The following MADCAM1 variants were observed in gnomAD, a reference collection of about 807,000 sequenced individuals.
MADCAM1 encodes mucosal addressin cell adhesion molecule 1.
MADCAM1 carries 19 observed loss-of-function variants against 26.1 expected under a neutral mutation model. The observed-to-expected ratio is 0.73, with a 90% CI of 0.51 to 1.07. MADCAM1 has a LOEUF of 1.07. MADCAM1 is among the 50% of genes least tolerant of loss of function. The pLI, the probability that MADCAM1 is intolerant of heterozygous loss-of-function variation, is 0.00. For missense variants in MADCAM1, 514 were observed against 542.1 expected, an observed-to-expected ratio of 0.95 and a Z score of 0.51; for synonymous variants, 268 against 260.9, an observed-to-expected ratio of 1.03 and a Z score of -0.26.
chr19:498,510 C>G lies in MADCAM1; in HGVS notation c.352C>G (p.Leu118Val). ...QLLVYAFPDQ[L>V]TVSPAALVPG... The stretch of plus-strand genomic sequence containing the variant: ...CTCCATCACAGCCTTCCCGGACCAG[C>G]TGACCGTCTCCCCAGCAGCCCTGGT... The change falls in exon 3 of 5, where the codon CTG becomes GTG. Residue 118 changes from leucine (L) to valine (V), a missense_variant. Leu to Val is a conservative substitution (Grantham distance 32, BLOSUM62 1). This residue lies in a region of MADCAM1 where 317 missense variants were observed against 313.6 expected (regional missense o/e 1.01). Transcript: ENST00000215637. 2 of 1,466,808 alleles carry G rather than the reference C, an allele frequency of 1.4e-6. No homozygotes were observed. Among genetic ancestry groups the G allele is most frequent in the Non-Finnish European group, 1.8e-6 (2 of 1,114,274 alleles). The allele number at this position is 1,466,808 out of a possible 1,614,324, so 90.9% of individuals were successfully genotyped here.
chr19:502,623 G>A (rs62130836), intron 4 of MADCAM1, among the ~76,000 whole-genome samples: 8,007 of 152,206 alleles, frequency 0.053, 301 homozygotes, highest in Admixed American at 0.086. Flanking sequence ...TGTTAGAAAT[G>A]CTTGTCCCCC....
intron 3 of MADCAM1, among the ~76,000 whole-genome samples, chr19:501,252 G>A (rs185183285): frequency 2.1e-4 from 32 of 151,376 alleles, no homozygotes; most frequent in African/African-American, 7.3e-4. Flanking sequence ...TTGGGAGGCC[G>A]AGGTGGGTAG....
At chr19:503,356 CG>C (rs1568318688) in intron 4 of MADCAM1, among the ~76,000 whole-genome samples, 1 of 147,900 alleles carries the variant, frequency 6.8e-6, no homozygotes, top group East Asian at 2.1e-4. Flanking sequence ...CCAAGGCGGG[CG>C]GATCACGAGG....
chr19:502,130 A>G (rs1269766449), intron 4 of MADCAM1, among the ~76,000 whole-genome samples: 10 of 151,572 alleles, frequency 6.6e-5, no homozygotes, highest in Admixed American at 6.6e-4. Flanking sequence ...CGGTTTCCCC[A>G]TCTGCCCAGC....
intron 4 of MADCAM1, 53 bp downstream of exon 4, chr19:501,982 G>T: frequency 7.0e-7 from 1 of 1,427,628 alleles, no homozygotes; most frequent in Non-Finnish European, 9.2e-7. Context: ...AGAGCGAGAG[G>T]TTCCTTGGAT....
At chr19:502,971 G>C (rs543678494) in intron 4 of MADCAM1, among the ~76,000 whole-genome samples, 24 of 152,280 alleles carry the variant, frequency 1.6e-4, no homozygotes, top group African/African-American at 5.8e-4. Context: ...ATAAGGAAGG[G>C]GCATAAGCTA....
rs1978293140 is a variant in MADCAM1, at chr19:497,906, G to C, written c.126G>C (p.Ser42=). 1.5e-6 allele frequency: 2 copies of C among 1,371,814 alleles called. No individual in the cohort carries two copies. Among genetic ancestry groups the C allele is most frequent in the Admixed American group, 3.7e-5 (1 of 27,224 alleles). 85.0% of individuals were successfully genotyped at this position (1,371,814 alleles called of 1,614,324 possible). ...EPVVAVALGA[S]RQLTCRLACA... ...TGGTGGCCGTGGCCTTGGGCGCCTCGCGCCAGCTCACCTGCCGCCTGGCCT... is the reference window on the plus strand; with the variant it reads ...TGGTGGCCGTGGCCTTGGGCGCCTCCCGCCAGCTCACCTGCCGCCTGGCCT... Residue 42 remains serine, a synonymous_variant, in exon 2 of 5, where the codon TCG becomes TCC. Transcript: ENST00000215637.
In MADCAM1 at chr19:496,526, G is replaced by T. The variant is rs1427428013; in HGVS notation, c.27G>T (p.Leu9=). The T allele has an allele frequency of 1.5e-6, 2 of 1,308,418 alleles. No homozygotes were observed. Among genetic ancestry groups the T allele is most frequent in the Non-Finnish European group, 2.0e-6 (2 of 1,021,676 alleles). 81.1% of individuals were successfully genotyped at this position (1,308,418 alleles called of 1,614,324 possible). The change falls in exon 1 of 5, where the codon CTG becomes CTT. Residue 9 remains leucine (L), a synonymous_variant. Coordinates refer to ENST00000215637, the MANE Select transcript of MADCAM1 (RefSeq NM_130760.3). The part of the protein sequence containing the change: MDFGLALL[L]AGLLGLLLGQ... ...TGGATTTCGGACTGGCCCTCCTGCT[G>T]GCGGGGCTTCTGGGGCTCCTCCTCG...
At chr19:502,693 T>C (rs537667341) in intron 4 of MADCAM1, among the ~76,000 whole-genome samples, 2 of 152,330 alleles carry the variant, frequency 1.3e-5, no homozygotes, top group Non-Finnish European at 2.9e-5. Flanking sequence ...CCACTTTTAC[T>C]TTCTGCAGAA....
chr19:499,915 G>A, intron 3 of MADCAM1: 1 of 453,000 alleles, frequency 2.2e-6, no homozygotes, highest in Non-Finnish European at 4.4e-6. Context: ...CATGTTAATG[G>A]ACGTGAGGTC....
Position 505,045 on chromosome 19 carries a change from C to T in MADCAM1, c.*80C>T. On this transcript the variant is annotated 3_prime_UTR_variant, in exon 5 of 5. Coordinates refer to ENST00000215637, the MANE Select transcript of MADCAM1 (RefSeq NM_130760.3). ...GAACTGGTCAGGGCAAACCTGCCTCCCATTCTACTCAAAGTCATCCCTCTG... is the reference window on the plus strand; with the variant it reads ...GAACTGGTCAGGGCAAACCTGCCTCTCATTCTACTCAAAGTCATCCCTCTG... 1 of 1,012,226 alleles carries T rather than the reference C, an allele frequency of 9.9e-7. No individual in the cohort carries two copies. Among genetic ancestry groups the T allele is most frequent in the East Asian group, 2.7e-5 (1 of 37,392 alleles). 62.7% of individuals were successfully genotyped at this position (1,012,226 alleles called of 1,614,324 possible).
intron 4 of MADCAM1, among the ~76,000 whole-genome samples, chr19:503,471 C>T (rs1978454209): frequency 7.1e-6 from 1 of 141,460 alleles, no homozygotes; most frequent in Non-Finnish European, 1.5e-5. Flanking sequence ...GTCCCAGCTA[C>T]TCGGGAGGCT....
At position 498,091 on chromosome 19, in the gene MADCAM1, A is replaced by G. The variant is rs1162202084; in HGVS notation, c.311A>G (p.Gln104Arg). ...CVGSCGGRTF[Q>R]HTVQLLVYAF... ...GGCTCCTGCGGGGGCCGCACCTTCC[A>G]GCACACCGTGCAGCTCCTTGTGTAC... Residue 104 changes from glutamine to arginine, a missense_variant, in exon 2 of 5, where the codon CAG becomes CGG. This residue lies in a region of MADCAM1 where 317 missense variants were observed against 313.6 expected (regional missense o/e 1.01). Coordinates refer to ENST00000215637, the MANE Select transcript of MADCAM1 (RefSeq NM_130760.3). 11 of 1,439,308 alleles carry G rather than the reference A, an allele frequency of 7.6e-6. No homozygotes were observed. The South Asian group carries it at 1.0e-4, about 13-fold the overall frequency. The allele number at this position is 1,439,308 out of a possible 1,614,324, so 89.2% of individuals were successfully genotyped here. A position where few individuals can be genotyped will look rare whatever the true frequency, so the allele number is the denominator to read the frequency against.
chr19:499,843 C>T (rs1307352601), intron 3 of MADCAM1: 4 of 456,398 alleles, frequency 8.8e-6, no homozygotes, highest in Non-Finnish European at 1.3e-5. Context: ...ATCCCGAAGC[C>T]CCTGCCGGCT....
Position 503,357 on chromosome 19 carries a change from G to A in MADCAM1, c.929-1388G>A, listed in dbSNP as rs369277108. Among the ~76,000 whole-genome samples the A allele has an allele frequency of 1.3e-3, 200 of 151,370 alleles. 3 individuals are homozygous for A. The highest frequency in any genetic ancestry group is 3.8e-3 in the South Asian group (18 of 4,792). Reference sequence around the variant, plus strand: ...TGCACTTTGGGAGGCCAAGGCGGGCGGATCACGAGGTCAGGAGATCGAGAC... The same window carrying A: ...TGCACTTTGGGAGGCCAAGGCGGGCAGATCACGAGGTCAGGAGATCGAGAC... On this transcript the variant is annotated intron_variant, in intron 4 of 4. Coordinates refer to ENST00000215637, the MANE Select transcript of MADCAM1 (RefSeq NM_130760.3).
Position 504,876 on chromosome 19 carries a change from C to T in MADCAM1, c.1060C>T (p.His354Tyr). The change falls in exon 5 of 5, where the codon CAC becomes TAC. Residue 354 changes from histidine (H) to tyrosine (Y), a missense_variant. Physicochemically the swap from His to Tyr is moderately conservative, Grantham distance 83. This residue lies in a region of MADCAM1 where 152 missense variants were observed against 136.7 expected (regional missense o/e 1.11). Coordinates refer to ENST00000215637, the MANE Select transcript of MADCAM1 (RefSeq NM_130760.3). ...RCRHLAEDDT[H>Y]PPASLRLLPQ... ...CCGGCACCTGGCTGAGGACGACACC[C>T]ACCCACCAGCTTCTCTGAGGCTTCT... is the stretch of plus-strand genomic sequence containing the variant. 1 of 1,612,974 alleles carries T rather than the reference C, an allele frequency of 6.2e-7. No individual in the cohort carries two copies. Among genetic ancestry groups the T allele is most frequent in the Non-Finnish European group, 8.5e-7 (1 of 1,179,962 alleles).
At chr19:499,143 T>C in intron 3 of MADCAM1, 1 of 574,668 alleles carries the variant, frequency 1.7e-6, no homozygotes. Flanking sequence ...CCACCCTTTC[T>C]CCCCCTCCTC....
At position 498,039 on chromosome 19, in the gene MADCAM1, T is replaced by C. The variant is rs530532155; in HGVS notation, c.259T>C (p.Ser87Pro). The change falls in exon 2 of 5, where the codon TCG (serine) becomes CCG (proline). Residue 87 changes from serine to proline, a missense_variant. By Grantham distance (74) the Ser-to-Pro change is moderately conservative. This residue lies in a region of MADCAM1 where 317 missense variants were observed against 313.6 expected (regional missense o/e 1.01). Transcript: ENST00000215637. Reference protein sequence around the residue: ...SVLTVRNASLSAAGTRVCVGS... With the variant: ...SVLTVRNASLPAAGTRVCVGS... ...CCTCACCGTGCGCAACGCCTCGCTG[T>C]CGGCGGCCGGGACCCGCGTGTGCGT... 1.3e-6 allele frequency: 2 copies of C among 1,491,266 alleles called. No individual in the cohort carries two copies. The highest frequency in any genetic ancestry group is 2.6e-5 in the South Asian group (2 of 78,026). The allele number at this position is 1,491,266 out of a possible 1,614,324, so 92.4% of individuals were successfully genotyped here. A position where few individuals can be genotyped will look rare whatever the true frequency, so the allele number is the denominator to read the frequency against.
Position 504,938 on chromosome 19 carries a change from C to A in MADCAM1, c.1122C>A (p.Thr374=). Residue 374 remains threonine, a synonymous_variant, in exon 5 of 5, where the codon ACC becomes ACA. Coordinates refer to ENST00000215637, the MANE Select transcript of MADCAM1 (RefSeq NM_130760.3). Reference sequence around the variant, plus strand: ...CGGCCTGGGCTGGGTTAAGGGGGACCGGCCAGGTCGGGATCAGCCCCTCCT... The same window carrying A: ...CGGCCTGGGCTGGGTTAAGGGGGACAGGCCAGGTCGGGATCAGCCCCTCCT... ...QVSAWAGLRG[T]GQVGISPS 1 of 1,602,396 alleles carries A rather than the reference C, an allele frequency of 6.2e-7. No homozygotes were observed. Among genetic ancestry groups the A allele is most frequent in the Non-Finnish European group, 8.5e-7 (1 of 1,171,404 alleles).
Sources: allele counts gnomAD v4.1 joint callset (sites outside exome capture counted in the v4.1 genomes callset), GRCh38; gene constraint gnomAD v4.1.1; regional missense constraint gnomAD v4.1.1; transcripts MANE v1.5; gene names NCBI Gene and HGNC (gene_info 2026-07-23, HGNC 2026-07-21).